The following LRTM3 variants were observed in gnomAD, a reference collection of about 807,000 sequenced individuals.
The protein encoded by LRTM3 is leucine-rich repeat transmembrane protein 3.
chr13:102,737,350 T>C, the LRTM3 span: 2 of 1,550,852 alleles, frequency 1.3e-6, no homozygotes, highest in South Asian at 1.2e-5. Flanking sequence ...CCTCTCCTTC[T>C]TTTCTTGTGT....
chr13:102,744,942 C>T, the LRTM3 span: 1 of 1,550,562 alleles, frequency 6.4e-7, no homozygotes, highest in Non-Finnish European at 8.7e-7. Flanking sequence ...GTTGGTACAC[C>T]ACGTTTTATT....
At chr13:102,746,018 G>A in the LRTM3 span, 3 of 1,551,034 alleles carry the variant, frequency 1.9e-6, no homozygotes, top group East Asian at 2.4e-5. Context: ...TAAAGCTTTG[G>A]GAGGTGGAAT....
chr13:102,757,039 T>C, the LRTM3 span, among the ~76,000 whole-genome samples: 1 of 152,248 alleles, frequency 6.6e-6, no homozygotes, highest in East Asian at 1.9e-4. Flanking sequence ...GGTTTTGAAT[T>C]ACATGTGAAC....
chr13:102,732,407 G>C, the LRTM3 span: 9 of 1,551,166 alleles, frequency 5.8e-6, no homozygotes, highest in Non-Finnish European at 7.8e-6. Flanking sequence ...GATTTTCATA[G>C]TTAAATATTT....
chr13:102,745,711 T>G, the LRTM3 span: 1 of 1,551,206 alleles, frequency 6.4e-7, no homozygotes, highest in Non-Finnish European at 8.7e-7. Context: ...CCTGTTCCTT[T>G]TGATGGCTAG....
the LRTM3 span, chr13:102,735,909 G>A: frequency 6.5e-7 from 1 of 1,540,562 alleles, no homozygotes; most frequent in South Asian, 1.2e-5. Flanking sequence ...TTGCTTTCCT[G>A]TACTCCTTCC....
At chr13:102,731,962 C>T in the LRTM3 span, 1 of 1,551,164 alleles carries the variant, frequency 6.4e-7, no homozygotes, top group African/African-American at 1.4e-5. Flanking sequence ...CTGGAACAAT[C>T]CGTTCTTTTG....
At chr13:102,742,741 T>A in the LRTM3 span, 4 of 1,550,694 alleles carry the variant, frequency 2.6e-6, no homozygotes, top group South Asian at 4.8e-5. Context: ...CCATTTTAAG[T>A]CTGCCATTCT....
chr13:102,740,885 G>C, the LRTM3 span: 3 of 1,549,952 alleles, frequency 1.9e-6, no homozygotes, highest in Admixed American at 5.9e-5. Flanking sequence ...TAAAGAGTGA[G>C]AAACAGATGC....
chr13:102,750,618 C>A, the LRTM3 span, among the ~76,000 whole-genome samples: 2 of 152,130 alleles, frequency 1.3e-5, no homozygotes, highest in Admixed American at 6.5e-5. Flanking sequence ...AGAGACTATA[C>A]CTCAGCATCT....
the LRTM3 span, chr13:102,736,533 A>T: frequency 1.3e-6 from 2 of 1,551,186 alleles, no homozygotes; most frequent in African/African-American, 2.7e-5. Flanking sequence ...TGTGGCATAA[A>T]GCTTCTTGTT....
the LRTM3 span, chr13:102,739,382 T>G: frequency 6.5e-7 from 1 of 1,550,344 alleles, no homozygotes; most frequent in African/African-American, 1.4e-5. Context: ...ATTAATTGAC[T>G]CTGCAGATGA....
At chr13:102,739,383 C>T in the LRTM3 span, 1 of 1,550,402 alleles carries the variant, frequency 6.4e-7, no homozygotes, top group Middle Eastern at 1.7e-4. Context: ...TTAATTGACT[C>T]TGCAGATGAT....
the LRTM3 span, chr13:102,743,963 C>G: frequency 1.2e-4 from 188 of 1,550,384 alleles, 3 homozygotes; most frequent in South Asian, 2.2e-3. Context: ...TGTAATATGA[C>G]CATCCAGATT....
the LRTM3 span, chr13:102,747,035 C>T: frequency 6.4e-7 from 1 of 1,551,040 alleles, no homozygotes; most frequent in Non-Finnish European, 8.7e-7. Context: ...TGCATCAAGT[C>T]CAAGGTTGCA....
At chr13:102,737,698 A>G in the LRTM3 span, 1 of 1,549,914 alleles carries the variant, frequency 6.5e-7, no homozygotes, top group Non-Finnish European at 8.7e-7. Context: ...GTTGCATGTA[A>G]TCTTTTGCTT....
the LRTM3 span, chr13:102,737,503 G>A: frequency 5.8e-6 from 9 of 1,549,300 alleles, no homozygotes; most frequent in South Asian, 9.5e-5. Flanking sequence ...CTCCATCCCT[G>A]TTCCCTTGCT....
At chr13:102,735,529 CT>C in the LRTM3 span, 1 of 1,550,970 alleles carries the variant, frequency 6.4e-7, no homozygotes, top group South Asian at 1.2e-5. Context: ...GAATCTTTCT[CT>C]TTTGTTCTTT....
the LRTM3 span, chr13:102,730,162 T>C: frequency 5.2e-5 from 81 of 1,550,268 alleles, no homozygotes; most frequent in Admixed American, 1.2e-3. Context: ...TTCTGCACTC[T>C]CTAGTACAAT....
Sources: allele counts gnomAD v4.1 joint callset (sites outside exome capture counted in the v4.1 genomes callset), GRCh38; gene constraint gnomAD v4.1.1; transcripts MANE v1.5; gene names NCBI Gene and HGNC (gene_info 2026-07-23, HGNC 2026-07-21).